RNF8: variants seen among roughly 807,000 people sequenced by gnomAD.
The protein encoded by RNF8 is E3 ubiquitin-protein ligase RNF8.
A neutral mutation model predicts 59.3 loss-of-function variants in RNF8; 8 were observed. The observed-to-expected ratio is 0.13, with a 90% CI of 0.08 to 0.24. The LOEUF (loss-of-function observed/expected upper bound fraction) is 0.24. Among genes scored for constraint, RNF8 ranks in the 10% least tolerant of loss-of-function variants. The pLI is 1.00. For missense variants in RNF8, 406 were observed against 572.6 expected (o/e 0.71, Z 2.97); for synonymous variants, 162 against 200.0 (o/e 0.81, Z 1.60).
intron 7 of RNF8, among the ~76,000 whole-genome samples, chr6:37,387,693 A>G (rs745463579): frequency 4.8e-4 from 73 of 152,188 alleles, no homozygotes; most frequent in Admixed American, 9.8e-4. Context: ...GCTTGGGGAT[A>G]AAAGCAAAGA....
intron 1 of RNF8, among the ~76,000 whole-genome samples, chr6:37,358,153 G>A (rs1378796484): frequency 1.3e-5 from 2 of 152,186 alleles, no homozygotes; most frequent in Non-Finnish European, 2.9e-5. Flanking sequence ...AAGACCCTCA[G>A]GTAGGCTGGC....
At position 37,381,312 on chromosome 6, in the gene RNF8, G is replaced by C. The variant is rs1316728358; in HGVS notation, c.1399G>C (p.Glu467Gln). 1.2e-6 allele frequency: 2 copies of C among 1,614,220 alleles called. No homozygotes were observed. The highest frequency in any genetic ancestry group is 3.3e-5 in the Admixed American group (2 of 60,018). The change falls in exon 7 of 8, where the codon GAA (glutamate) becomes CAA (glutamine). Residue 467 changes from glutamate to glutamine, a missense_variant. Coordinates refer to ENST00000373479, the MANE Select transcript of RNF8 (RefSeq NM_003958.4). ...TAAGATGGTAAATAATCTGAGCTCA[G>C]AAGTGAAAGAACGACGAATTGTTCT... ...INKMVNNLSS[E>Q]VKERRIVLIR...
chr6:37,379,199 A>G (rs1250736555), intron 6 of RNF8, among the ~76,000 whole-genome samples: 1 of 151,986 alleles, frequency 6.6e-6, no homozygotes, highest in African/African-American at 2.4e-5. Context: ...TATTTTTAGT[A>G]GAGATGGGAT....
At chr6:37,374,375 G>A (rs1176596390) in intron 4 of RNF8, among the ~76,000 whole-genome samples, 4 of 152,206 alleles carry the variant, frequency 2.6e-5, no homozygotes, top group Non-Finnish European at 5.9e-5. Flanking sequence ...GGCCACCAAT[G>A]TTGGGTTAGT....
chr6:37,382,739 G>T (rs1361175524), intron 7 of RNF8, among the ~76,000 whole-genome samples: 1 of 152,150 alleles, frequency 6.6e-6, no homozygotes, highest in Non-Finnish European at 1.5e-5. Flanking sequence ...CAGCACTTTG[G>T]GAGGCCAAGA....
At chr6:37,371,840 G>C (rs1419024132) in intron 4 of RNF8, among the ~76,000 whole-genome samples, 1 of 152,178 alleles carries the variant, frequency 6.6e-6, no homozygotes, top group African/African-American at 2.4e-5. Flanking sequence ...CAGTTAAGAG[G>C]CTCTCTGGGG....
intron 6 of RNF8, among the ~76,000 whole-genome samples, chr6:37,380,015 G>A (rs1412457340): frequency 2.0e-5 from 3 of 152,088 alleles, no homozygotes; most frequent in Non-Finnish European, 4.4e-5. Flanking sequence ...CCAGGCTCTA[G>A]TGATCCTCCC....
intron 2 of RNF8, among the ~76,000 whole-genome samples, chr6:37,363,604 A>G (rs1383572948): frequency 1.3e-5 from 2 of 152,236 alleles, no homozygotes; most frequent in African/African-American, 4.8e-5. Context: ...ATTGAAGACT[A>G]GTGATGCCAG....
intron 1 of RNF8, among the ~76,000 whole-genome samples, chr6:37,355,535 G>A (rs935868027): frequency 6.6e-6 from 1 of 152,114 alleles, no homozygotes; most frequent in African/African-American, 2.4e-5. Flanking sequence ...ACATCCATAT[G>A]GGCTGTATGA....
chr6:37,368,401 A>G, intron 2 of RNF8, 83 bp from the exon 3 acceptor site: 4 of 1,612,566 alleles, frequency 2.5e-6, no homozygotes, highest in South Asian at 1.1e-5. Flanking sequence ...AAAAGGCAGA[A>G]GATTTTACAG....
chr6:37,389,758 GCTTCTGTATT>G (rs1354348900), intron 7 of RNF8, among the ~76,000 whole-genome samples: 1 of 152,142 alleles, frequency 6.6e-6, no homozygotes, highest in East Asian at 1.9e-4. Flanking sequence ...CTTTCTTGTG[GCTTCTGTATT>G]CTTCTGTGAG....
intron 5 of RNF8, among the ~76,000 whole-genome samples, chr6:37,376,167 T>G (rs1770005370): frequency 1.3e-5 from 2 of 152,086 alleles, no homozygotes; most frequent in African/African-American, 4.8e-5. Context: ...GTCCAGTGAG[T>G]TTTTAATTGT....
At chr6:37,387,020 C>T (rs1048604757) in intron 7 of RNF8, among the ~76,000 whole-genome samples, 3 of 152,142 alleles carry the variant, frequency 2.0e-5, no homozygotes, top group African/African-American at 7.2e-5. Context: ...TATAGAGTAG[C>T]GTCATTAACC....
intron 2 of RNF8, among the ~76,000 whole-genome samples, chr6:37,364,695 G>T (rs1194150846): frequency 6.6e-6 from 1 of 152,120 alleles, no homozygotes; most frequent in Non-Finnish European, 1.5e-5. Flanking sequence ...CCTATTTCTA[G>T]GTATTTACCC....
rs929158242 is a variant in RNF8, at chr6:37,361,946, T to C, written c.240+1372T>C. Among the ~76,000 whole-genome samples, 3 of 152,186 alleles carry C rather than the reference T, an allele frequency of 2.0e-5. No individual in the cohort carries two copies. The East Asian group carries it at 5.8e-4, about 29-fold the overall frequency. On this transcript the variant is annotated intron_variant, in intron 2 of 7. Coordinates refer to ENST00000373479, the MANE Select transcript of RNF8 (RefSeq NM_003958.4). ...AGATAAACTGTCTTGCCCAAAGCCT[T>C]CTCTATAATGAGCCAGGACTTAAGT...
At position 37,374,657 on chromosome 6, in the gene RNF8, A is replaced by G. The variant is rs1286324577; in HGVS notation, c.1076A>G (p.Lys359Arg). 1.9e-6 allele frequency: 3 copies of G among 1,614,192 alleles called. No homozygotes were observed. The highest frequency in any genetic ancestry group is 2.5e-6 in the Non-Finnish European group (3 of 1,180,018). The change falls in exon 5 of 8, where the codon AAG (lysine) becomes AGG (arginine). Residue 359 changes from lysine (K) to arginine (R), a missense_variant. This residue lies in a region of RNF8 where 285 missense variants were observed against 342.0 expected (regional missense o/e 0.83). Transcript: ENST00000373479. ...ATGGAAGAGCTAAATCGCAGCAAGA[A>G]GGACTTTGAAGCAATCATTCAAGCC... is the stretch of plus-strand genomic sequence containing the variant. ...ALMEELNRSK[K>R]DFEAIIQAKN...
chr6:37,354,817 G>A (rs1769053202), intron 1 of RNF8, among the ~76,000 whole-genome samples: 1 of 152,244 alleles, frequency 6.6e-6, no homozygotes, highest in Non-Finnish European at 1.5e-5. Context: ...CTGCCGGGAA[G>A]CCGAGGCAGG....
chr6:37,361,923 A>G (rs1458532991), intron 2 of RNF8, among the ~76,000 whole-genome samples: 1 of 152,220 alleles, frequency 6.6e-6, no homozygotes, highest in Non-Finnish European at 1.5e-5. Flanking sequence ...GCCCAGAGAG[A>G]TAAACTGTCT....
At chr6:37,383,817 A>T (rs960266401) in intron 7 of RNF8, among the ~76,000 whole-genome samples, 1 of 151,672 alleles carries the variant, frequency 6.6e-6, no homozygotes, top group South Asian at 2.1e-4. Flanking sequence ...GCTCTCTGGG[A>T]TATTGACATG....
Sources: gnomAD v4.1 joint callset for allele counts (sites outside exome capture counted in the v4.1 genomes callset) on GRCh38, gnomAD v4.1.1 for gene constraint, gnomAD v4.1.1 regional missense constraint, MANE v1.5 for transcripts, NCBI Gene and HGNC (gene_info 2026-07-23, HGNC 2026-07-21) for gene names.